MYBPC3: variants seen among roughly 807,000 people sequenced by gnomAD.
The protein encoded by MYBPC3 is myosin-binding protein C, cardiac-type.
A neutral mutation model predicts 159.3 loss-of-function variants in MYBPC3; 108 were observed. The observed-to-expected ratio is 0.68, with a 90% CI of 0.58 to 0.80. The LOEUF (loss-of-function observed/expected upper bound fraction) is 0.80, where lower values mean the gene tolerates loss of function less well. Among genes scored for constraint, MYBPC3 ranks in the 30% least tolerant of loss-of-function variants. MYBPC3 has a pLI of 0.00. For missense variants in MYBPC3, 1,631 were observed against 1,762.1 expected, an observed-to-expected ratio of 0.93 and a Z score of 1.33; for synonymous variants, 730 against 702.0, an observed-to-expected ratio of 1.04 and a Z score of -0.63.
rs1425515134 is a variant in MYBPC3, at chr11:47,333,821, G to C, written c.2995-69C>G. ...GGGCCGGCCGCCACCCCAGCCTCTG[G>C]TACCTCAGATCAGGCCAGCCCTGAG... On this transcript the variant is annotated intron_variant, in intron 28 of 34. Transcript: ENST00000545968. 3 of 1,548,198 alleles carry C rather than the reference G, an allele frequency of 1.9e-6. No individual in the cohort carries two copies. The African/African-American group carries it at 4.1e-5, about 21-fold the overall frequency.
intron 3 of MYBPC3, 38 bp downstream of exon 3, chr11:47,350,463 AC>A (rs1470378468): frequency 1.3e-6 from 2 of 1,542,222 alleles, no homozygotes; most frequent in South Asian, 2.4e-5. Context: ...GACACGCCCT[AC>A]CCACGGATCC....
Position 47,333,961 on chromosome 11 carries a change from C to A in MYBPC3, c.2955G>T (p.Lys985Asn), listed in dbSNP as rs2095879936. Residue 985 changes from lysine (K) to asparagine (N), a missense_variant, in exon 28 of 35, where the codon AAG becomes AAT. By Grantham distance (94) the Lys-to-Asn change is moderately conservative. Coordinates refer to ENST00000545968, the MANE Select transcript of MYBPC3 (RefSeq NM_000256.3). ...LPRHLRQTIQ[K>N]KVGEPVNLLI... ...GAAGGTTCACAGGCTCCCCGACCTT[C>A]TTCTGAATGGTCTGGCGCAGGTGCC... is the stretch of plus-strand genomic sequence containing the variant. 1.3e-6 allele frequency: 2 copies of A among 1,585,134 alleles called. No individual in the cohort carries two copies. Among genetic ancestry groups the A allele is most frequent in the Non-Finnish European group, 1.7e-6 (2 of 1,166,060 alleles).
chr11:47,350,626 T>C lies in MYBPC3; in HGVS notation c.293-11A>G. On this transcript the variant is annotated splice_polypyrimidine_tract_variant and intron_variant, in intron 2 of 34. Coordinates refer to ENST00000545968, the MANE Select transcript of MYBPC3 (RefSeq NM_000256.3). Reference sequence around the variant, plus strand: ...TGGGCTCTGCCTTCTCTGGAGGGGATCAGATGGGAGTCGTGGTGCAGCCAC... The same window carrying C: ...TGGGCTCTGCCTTCTCTGGAGGGGACCAGATGGGAGTCGTGGTGCAGCCAC... 1.4e-6 allele frequency: 2 copies of C among 1,473,992 alleles called. No individual in the cohort carries two copies. The highest frequency in any genetic ancestry group is 1.8e-6 in the Non-Finnish European group (2 of 1,120,442). 91.3% of individuals were successfully genotyped at this position (1,473,992 alleles called of 1,614,324 possible).
At chr11:47,343,687 TACTGTG>T in intron 12 of MYBPC3, 63 bp from the exon 13 acceptor site, 1 of 1,489,148 alleles carries the variant, frequency 6.7e-7, no homozygotes, top group East Asian at 2.4e-5. Context: ...CAGGCCAAGC[TACTGTG>T]GCTGTGGCTG....
rs770888201 is a variant in MYBPC3 at position 47,342,940 on chromosome 11, C to G, written c.1352-5G>C. ...GCGTGATGAGCACAGGGGGCTCTGT[C>G]CAGGCAGGGTGAGCATGAGGGTTGG... On this transcript the variant is annotated splice_region_variant and splice_polypyrimidine_tract_variant and intron_variant, in intron 15 of 34. Transcript: ENST00000545968. The G allele has an allele frequency of 1.9e-6, 3 of 1,611,064 alleles. No homozygotes were observed. Among genetic ancestry groups the G allele is most frequent in the South Asian group, 2.2e-5 (2 of 90,590 alleles).
In MYBPC3 at chr11:47,335,185, T is replaced by G; in HGVS notation, c.2762A>C (p.Gln921Pro). Residue 921 changes from glutamine (Q) to proline (P), a missense_variant, in exon 27 of 35, where the codon CAG becomes CCG. Coordinates refer to ENST00000545968, the MANE Select transcript of MYBPC3 (RefSeq NM_000256.3). Reference sequence around the variant, plus strand: ...TATCGATGTGTGCTCTGTCAGCCCCTGCAGGGCAGCCACCCACTCTGAGCC... The same window carrying G: ...TATCGATGTGTGCTCTGTCAGCCCCGGCAGGGCAGCCACCCACTCTGAGCC... ...EGCSEWVAAL[Q>P]GLTEHTSILV... 1 of 1,606,150 alleles carries G rather than the reference T, an allele frequency of 6.2e-7. No individual in the cohort carries two copies. Among genetic ancestry groups the G allele is most frequent in the Non-Finnish European group, 8.5e-7 (1 of 1,175,860 alleles).
At chr11:47,343,762 CTCTATT>C in intron 12 of MYBPC3, 138 bp from the exon 13 acceptor site, 2 of 834,196 alleles carry the variant, frequency 2.4e-6, no homozygotes, top group Non-Finnish European at 3.5e-6. Flanking sequence ...TTCTCTGTGT[CTCTATT>C]TCTTTTTGTT....
At position 47,347,864 on chromosome 11, in the gene MYBPC3, G is replaced by A. The variant is rs397516075; in HGVS notation, c.814C>T (p.Arg272Cys). The A allele has an allele frequency of 6.8e-5, 106 of 1,567,620 alleles. 1 individual carries two copies. The highest frequency in any genetic ancestry group is 8.6e-5 in the Non-Finnish European group (99 of 1,156,828). ...TGDLDLLSAF[R>C]RTSLAGGGRR... ...CTGAGGATGGCCACTCACGTGCGGCGGAAGGCTGATAGGAGGTCCAGGTCT... is the reference window on the plus strand; with the variant it reads ...CTGAGGATGGCCACTCACGTGCGGCAGAAGGCTGATAGGAGGTCCAGGTCT... Residue 272 changes from arginine (R) to cysteine (C), a missense_variant, in exon 7 of 35, where the codon CGC becomes TGC. Arg to Cys is a radical substitution (Grantham distance 180). Coordinates refer to ENST00000545968, the MANE Select transcript of MYBPC3 (RefSeq NM_000256.3).
intron 1 of MYBPC3, 89 bp downstream of exon 1, chr11:47,352,534 C>A: frequency 6.5e-7 from 1 of 1,534,368 alleles, no homozygotes; most frequent in East Asian, 2.5e-5. Flanking sequence ...CCTCGTCAAC[C>A]CCCTCAAGAA....
intron 1 of MYBPC3, 144 bp downstream of exon 1, chr11:47,352,479 C>A: frequency 9.8e-7 from 1 of 1,017,942 alleles, no homozygotes; most frequent in African/African-American, 1.7e-5. Flanking sequence ...CAAAAAAGGA[C>A]CCTGGAGGAC....
Position 47,335,113 on chromosome 11 carries a change from C to G in MYBPC3, c.2834G>C (p.Arg945Pro), listed in dbSNP as rs1443971720. The change falls in exon 27 of 35, where the codon CGG becomes CCG. Residue 945 changes from arginine (R) to proline (P), a missense_variant. Transcript: ENST00000545968. Reference protein sequence around the residue: ...PTGARLLFRVRAHNMAGPGAP... With the variant: ...PTGARLLFRVPAHNMAGPGAP... Reference sequence around the variant, plus strand: ...TCCAGGCCCTGCCATATTGTGTGCCCGCACTCGGAAAAGCAGCCGGGCCCC... The same window carrying G: ...TCCAGGCCCTGCCATATTGTGTGCCGGCACTCGGAAAAGCAGCCGGGCCCC... The G allele has an allele frequency of 6.2e-7, 1 of 1,612,062 alleles. No individual in the cohort carries two copies. Among genetic ancestry groups the G allele is most frequent in the African/African-American group, 1.3e-5 (1 of 74,820 alleles).
At position 47,350,596 on chromosome 11, in the gene MYBPC3, C is replaced by T; in HGVS notation, c.312G>A (p.Leu104=). 1 of 1,510,504 alleles carries T rather than the reference C, an allele frequency of 6.6e-7. No individual in the cohort carries two copies. The highest frequency in any genetic ancestry group is 8.8e-7 in the Non-Finnish European group (1 of 1,138,596). 93.6% of individuals were successfully genotyped at this position (1,510,504 alleles called of 1,614,324 possible). ...CCTCAGCAGGGGCAGGGGCAGGGGC[C>T]AGCATGGGCTCTGCCTTCTCTGGAG... The part of the protein sequence containing the change: ...VIEAEKAEPM[L]APAPAPAEAT... The change falls in exon 3 of 35, where the codon CTG becomes CTA. Residue 104 remains leucine, a synonymous_variant. Transcript: ENST00000545968.
chr11:47,348,908 T>TATATATATATATATATATATATATA (rs1555123221), intron 5 of MYBPC3, among the ~76,000 whole-genome samples: 2 of 39,876 alleles, frequency 5.0e-5, no homozygotes, highest in Non-Finnish European at 5.4e-5. Flanking sequence ...CTGTCTCAAA[T>TATATATATATATATATATATATATA]TATATATATA....
Position 47,331,712 on chromosome 11 carries a change from T to C in MYBPC3, c.*31A>G. 1.0e-6 allele frequency: 1 copy of C among 967,104 alleles called. No individual in the cohort carries two copies. The highest frequency in any genetic ancestry group is 1.7e-5 in the South Asian group (1 of 57,524). The allele number at this position is 967,104 out of a possible 1,614,324, so 59.9% of individuals were successfully genotyped here. On this transcript the variant is annotated 3_prime_UTR_variant, in exon 35 of 35. Coordinates refer to ENST00000545968, the MANE Select transcript of MYBPC3 (RefSeq NM_000256.3). Reference sequence around the variant, plus strand: ...TCCTGGCACGGGGCTGGCATCCGGTTGTACCTGCAACACAGGTTATCTTAC... The same window carrying C: ...TCCTGGCACGGGGCTGGCATCCGGTCGTACCTGCAACACAGGTTATCTTAC...
At chr11:47,349,044 T>A (rs1304898473) in intron 5 of MYBPC3, among the ~76,000 whole-genome samples, 1 of 150,894 alleles carries the variant, frequency 6.6e-6, no homozygotes, top group Non-Finnish European at 1.5e-5. Context: ...ATGATTGCCA[T>A]CTGCTGGCAC....
rs1441694876 is a variant in MYBPC3 at position 47,333,547 on chromosome 11, G to A, written c.3190+10C>T. ...AAACAAGGGGGCTCAAGGAGGCCTT[G>A]GCCACGCACCAACAACCTGCAGCAC... On this transcript the variant is annotated intron_variant, in intron 29 of 34. Transcript: ENST00000545968. 1 of 1,599,552 alleles carries A rather than the reference G, an allele frequency of 6.3e-7. No homozygotes were observed. The highest frequency in any genetic ancestry group is 1.3e-5 in the African/African-American group (1 of 74,930).
chr11:47,339,903 T>A, intron 20 of MYBPC3, 113 bp from the exon 21 acceptor site: 4 of 1,178,338 alleles, frequency 3.4e-6, no homozygotes, highest in Non-Finnish European at 4.8e-6. Context: ...TTTAGATTTG[T>A]ATTGAGGTAT....
intron 25 of MYBPC3, chr11:47,336,291 C>G (rs1260234322): frequency 1.3e-5 from 3 of 236,422 alleles, no homozygotes; most frequent in Non-Finnish European, 1.6e-5. Flanking sequence ...AGTTCAAGAC[C>G]AGCCTGGCCA....
rs1307586978 is a variant in MYBPC3, at chr11:47,351,361, A to G, written c.170T>C (p.Leu57Pro). The G allele has an allele frequency of 5.0e-6, 8 of 1,606,090 alleles. No homozygotes were observed. Among genetic ancestry groups the G allele is most frequent in the Middle Eastern group, 1.7e-4 (1 of 6,054 alleles). Residue 57 changes from leucine to proline, a missense_variant, in exon 2 of 35, where the codon CTG becomes CCG. Transcript: ENST00000545968. This position sits in a 1 kb window ranked among gnomAD's most constrained non-coding sequence, Gnocchi z 4.2. The stretch of plus-strand genomic sequence containing the variant: ...CGTATGCCGTGTGCCCTCTGTGGCC[A>G]GGCCGTACTTGTTGCTGGCGCTGAT... The part of the protein sequence containing the change: ...SDISASNKYG[L>P]ATEGTRHTLT...
Sources: gnomAD v4.1 joint callset for allele counts (sites outside exome capture counted in the v4.1 genomes callset) on GRCh38, gnomAD v4.1.1 for gene constraint, Gnocchi (gnomAD v3.1) non-coding constraint, MANE v1.5 for transcripts, NCBI Gene and HGNC (gene_info 2026-07-23, HGNC 2026-07-21) for gene names.